Variants in CHRM3 observed in about 807,000 individuals in gnomAD.
CHRM3 encodes the protein cholinergic receptor muscarinic 3, also known as muscarinic acetylcholine receptor M3.
CHRM3 carries 11 observed loss-of-function variants against 41.8 expected under a neutral mutation model. The observed-to-expected ratio is 0.26, with a 90% CI of 0.17 to 0.44. The LOEUF (loss-of-function observed/expected upper bound fraction) is 0.44, where lower values mean the gene tolerates loss of function less well. Ranked by LOEUF, CHRM3 falls within the 20% of genes least tolerant of loss-of-function variation. The pLI is 1.00. For missense variants in CHRM3, 571 were observed against 745.4 expected (o/e 0.77, Z 2.72); for synonymous variants, 297 against 301.4 (o/e 0.99, Z 0.15).
At chr1:239,615,621 A>T (rs1340630717) in intron 3 of CHRM3, among the ~76,000 whole-genome samples, 2 of 152,226 alleles carry the variant, frequency 1.3e-5, no homozygotes, top group African/African-American at 4.8e-5. Flanking sequence ...TAGAGGGAAA[A>T]TATCTTAAGT....
chr1:239,424,277 G>A (rs146537446), intron 1 of CHRM3, among the ~76,000 whole-genome samples: 208 of 152,014 alleles, frequency 1.4e-3, no homozygotes, highest in African/African-American at 4.8e-3. Flanking sequence ...CTATGTGGCC[G>A]TGTAATCCTT....
At chr1:239,470,157 G>A (rs1666017846) in intron 1 of CHRM3, among the ~76,000 whole-genome samples, 2 of 152,082 alleles carry the variant, frequency 1.3e-5, no homozygotes, top group African/African-American at 4.8e-5. Flanking sequence ...AGAAAGGAGA[G>A]GAAGATTTGA....
chr1:239,564,649 A>G (rs529350343), intron 3 of CHRM3, among the ~76,000 whole-genome samples: 1 of 152,230 alleles, frequency 6.6e-6, no homozygotes, highest in East Asian at 1.9e-4. Context: ...AACCAACTAT[A>G]GTTTTTAGGT....
At chr1:239,587,445 C>G (rs12025653) in intron 3 of CHRM3, among the ~76,000 whole-genome samples, 1 of 152,308 alleles carries the variant, frequency 6.6e-6, no homozygotes, top group East Asian at 1.9e-4. Flanking sequence ...TTTGCCTTCC[C>G]CTGCCAAAGA....
intron 3 of CHRM3, among the ~76,000 whole-genome samples, chr1:239,590,104 A>G (rs960831244): frequency 6.6e-6 from 1 of 152,114 alleles, no homozygotes; most frequent in African/African-American, 2.4e-5. Context: ...ATTCAAGGTC[A>G]CCTTCATAGA....
chr1:239,456,627 G>A (rs1157278656), intron 1 of CHRM3, among the ~76,000 whole-genome samples: 9 of 152,110 alleles, frequency 5.9e-5, no homozygotes, highest in Admixed American at 5.2e-4. Context: ...ACAATGTCAC[G>A]GGAAGTTTCC....
chr1:239,882,197 C>T (rs1335771798), intron 6 of CHRM3, among the ~76,000 whole-genome samples: 5 of 152,080 alleles, frequency 3.3e-5, no homozygotes, highest in Non-Finnish European at 5.9e-5. Flanking sequence ...TGTGAGCCAC[C>T]GCCCCAGCCC....
At chr1:239,406,811 TA>T (rs539069712) in intron 1 of CHRM3, among the ~76,000 whole-genome samples, 118 of 152,280 alleles carry the variant, frequency 7.7e-4, no homozygotes, top group Non-Finnish European at 2.6e-4. Flanking sequence ...CAGGAGGGGA[TA>T]AAAAAATTGT....
chr1:239,797,408 A>T (rs1572328295), intron 5 of CHRM3, among the ~76,000 whole-genome samples: 1 of 113,666 alleles, frequency 8.8e-6, no homozygotes, highest in Non-Finnish European at 1.7e-5. Flanking sequence ...CTCATTCTTT[A>T]AAAAAAAAAA....
In CHRM3 at chr1:239,504,229, A is replaced by G. The variant is rs548004872; in HGVS notation, c.-422+11422A>G. 2.6e-5 allele frequency among the ~76,000 whole-genome samples: 4 copies of G among 152,278 alleles called. No individual in the cohort carries two copies. The East Asian group carries it at 7.7e-4, about 29-fold the overall frequency. ...ATCAGTAAGAGAAAAACAAAAAAAC[A>G]AACAATCCCATAAAAAAGGGGGCTG... is the stretch of plus-strand genomic sequence containing the variant. On this transcript the variant is annotated intron_variant, in intron 2 of 6. Transcript: ENST00000676153.
intron 6 of CHRM3, among the ~76,000 whole-genome samples, chr1:239,854,814 C>T (rs1462042292): frequency 6.6e-6 from 1 of 152,050 alleles, no homozygotes; most frequent in Admixed American, 6.6e-5. Context: ...AGCATGTTTC[C>T]ATCATTCTTT....
At chr1:239,685,147 T>G (rs983398074) in intron 5 of CHRM3, among the ~76,000 whole-genome samples, 11 of 152,278 alleles carry the variant, frequency 7.2e-5, no homozygotes, top group Non-Finnish European at 1.2e-4. Context: ...ATGTTATGGC[T>G]TTGTCTTACT....
At chr1:239,451,506 C>T (rs1036355474) in intron 1 of CHRM3, among the ~76,000 whole-genome samples, 7 of 152,102 alleles carry the variant, frequency 4.6e-5, no homozygotes, top group African/African-American at 1.7e-4. Flanking sequence ...AGCTCTTGTG[C>T]CTCAGTTTCC....
chr1:239,528,555 C>A (rs1201058685), intron 2 of CHRM3, among the ~76,000 whole-genome samples: 10 of 152,154 alleles, frequency 6.6e-5, no homozygotes, highest in Non-Finnish European at 1.3e-4. Context: ...ACCTGCAGAT[C>A]CTGGAGCAGC....
At chr1:239,696,785 A>G (rs906508264) in intron 5 of CHRM3, among the ~76,000 whole-genome samples, 1 of 152,182 alleles carries the variant, frequency 6.6e-6, no homozygotes, top group Non-Finnish European at 1.5e-5. Context: ...TGAATAATAC[A>G]CGTTTGCTAT....
At chr1:239,759,154 T>C (rs1666486420) in intron 5 of CHRM3, among the ~76,000 whole-genome samples, 1 of 142,776 alleles carries the variant, frequency 7.0e-6, no homozygotes, top group African/African-American at 2.8e-5. Flanking sequence ...CTGAGCTTTA[T>C]GGGTTTTTTT....
chr1:239,906,790 A>G lies in CHRM3; in HGVS notation c.-19-643A>G, dbSNP rs117722278. On this transcript the variant is annotated intron_variant, in intron 6 of 6. Coordinates refer to ENST00000676153, the MANE Select transcript of CHRM3 (RefSeq NM_001375978.1). Reference sequence around the variant, plus strand: ...AACGTTCTGCTAAAAGTTCATCTGCATGTTATCAAGTAGAAGATAGCTTTC... The same window carrying G: ...AACGTTCTGCTAAAAGTTCATCTGCGTGTTATCAAGTAGAAGATAGCTTTC... 1.4e-3 allele frequency among the ~76,000 whole-genome samples: 210 copies of G among 152,310 alleles called. 3 individuals are homozygous for G. In the East Asian group the frequency reaches 0.031, roughly 22 times the overall value.
intron 5 of CHRM3, chr1:239,720,254 G>GAA (rs536941601): frequency 1.2e-4 from 18 of 151,858 alleles, no homozygotes; most frequent in Non-Finnish European, 2.4e-4. Context: ...GGATCATTCA[G>GAA]AATATATAGA....
intron 5 of CHRM3, among the ~76,000 whole-genome samples, chr1:239,795,585 C>A (rs902079927): frequency 1.3e-5 from 2 of 152,134 alleles, no homozygotes; most frequent in Non-Finnish European, 2.9e-5. Context: ...CAGACAAGAA[C>A]AACTCCCCAT....
Sources: gnomAD v4.1 joint callset for allele counts (sites outside exome capture counted in the v4.1 genomes callset) on GRCh38, gnomAD v4.1.1 for gene constraint, MANE v1.5 for transcripts, NCBI Gene and HGNC (gene_info 2026-07-23, HGNC 2026-07-21) for gene names.